Variants in PI4K2B observed in about 807,000 individuals in gnomAD.
The protein encoded by PI4K2B is phosphatidylinositol 4-kinase type 2-beta.
A neutral mutation model predicts 56.6 loss-of-function variants in PI4K2B; 46 were observed. The observed-to-expected ratio is 0.81, with a 90% CI of 0.64 to 1.04. PI4K2B has a LOEUF of 1.04. Ranked by LOEUF, PI4K2B falls within the 50% of genes least tolerant of loss-of-function variation. The pLI, the probability that PI4K2B is intolerant of heterozygous loss-of-function variation, is 0.00. For synonymous variants in PI4K2B, 211 were observed against 223.8 expected, an observed-to-expected ratio of 0.94 and a Z score of 0.51; for missense variants, 556 against 607.7, an observed-to-expected ratio of 0.91 and a Z score of 0.89.
At chr4:25,276,353 A>T in intron 9 of PI4K2B, 1 of 333,940 alleles carries the variant, frequency 3.0e-6, no homozygotes, top group Non-Finnish European at 4.3e-6. Context: ...CTTAAGAGTA[A>T]ACTCTTAAAT....
intron 1 of PI4K2B, among the ~76,000 whole-genome samples, chr4:25,244,378 G>A (rs1477222091): frequency 6.6e-6 from 1 of 152,202 alleles, no homozygotes; most frequent in Non-Finnish European, 1.5e-5. Context: ...TGGGATGTAA[G>A]TTGTAAGCTT....
At chr4:25,256,415 T>G in intron 3 of PI4K2B, 128 bp from the exon 4 acceptor site, 2 of 828,606 alleles carry the variant, frequency 2.4e-6, no homozygotes, top group Non-Finnish European at 3.7e-6. Context: ...CTGTTTTAGA[T>G]TCTCTGGGGC....
chr4:25,246,257 G>T (rs746046897), intron 1 of PI4K2B, among the ~76,000 whole-genome samples: 1 of 152,090 alleles, frequency 6.6e-6, no homozygotes, highest in African/African-American at 2.4e-5. Context: ...GCCTGCTTTT[G>T]TTCCCTTATC....
chr4:25,259,141 G>A lies in PI4K2B; in HGVS notation c.861G>A (p.Gln287=), dbSNP rs143048917. 6.3e-7 allele frequency: 1 copy of A among 1,582,810 alleles called. No homozygotes were observed. Among genetic ancestry groups the A allele is most frequent in the South Asian group, 1.1e-5 (1 of 89,712 alleles). Residue 287 remains glutamine, a synonymous_variant, in exon 5 of 10, where the codon CAG becomes CAA. Coordinates refer to ENST00000264864, the MANE Select transcript of PI4K2B (RefSeq NM_018323.4). ...CTGAGAATATTAGAAAACAATTTCAGTCACAATTTGAAAGATTAGTTATTT... is the reference window on the plus strand; with the variant it reads ...CTGAGAATATTAGAAAACAATTTCAATCACAATTTGAAAGATTAGTTATTT... ...PLPENIRKQF[Q]SQFERLVILD...
At chr4:25,236,991 C>G (rs1715289758) in intron 1 of PI4K2B, among the ~76,000 whole-genome samples, 1 of 152,218 alleles carries the variant, frequency 6.6e-6, no homozygotes, top group African/African-American at 2.4e-5. Context: ...AACTACCTCA[C>G]TAGTTCCAAG....
chr4:25,244,732 C>T (rs573521007), intron 1 of PI4K2B, among the ~76,000 whole-genome samples: 5 of 152,258 alleles, frequency 3.3e-5, no homozygotes, highest in Middle Eastern at 3.4e-3. Context: ...CCCAAGAACC[C>T]GCAACGGTCC....
At chr4:25,276,628 T>C (rs1010278367) in intron 9 of PI4K2B, 1 of 981,866 alleles carries the variant, frequency 1.0e-6, no homozygotes. Context: ...AAGGCAAGTA[T>C]TTAGTTAAAA....
intron 9 of PI4K2B, chr4:25,276,594 A>T (rs1485381636): frequency 1.1e-6 from 1 of 934,432 alleles, no homozygotes; most frequent in Non-Finnish European, 1.3e-6. Flanking sequence ...GTAGGCATAC[A>T]ATAAATTTGT....
intron 1 of PI4K2B, among the ~76,000 whole-genome samples, chr4:25,248,399 G>C (rs937770836): frequency 1.3e-5 from 2 of 152,132 alleles, no homozygotes; most frequent in African/African-American, 4.8e-5. Flanking sequence ...TCGTTTTGGA[G>C]TTTCTCTTGT....
At chr4:25,250,657 T>C (rs900561281) in intron 1 of PI4K2B, 3 of 152,228 alleles carry the variant, frequency 2.0e-5, no homozygotes, top group Admixed American at 1.3e-4. Flanking sequence ...AGTTTACCTA[T>C]GTAACCTGCA....
chr4:25,269,216 T>C lies in PI4K2B; in HGVS notation c.1272+13T>C. The C allele has an allele frequency of 1.4e-6, 2 of 1,445,174 alleles. No homozygotes were observed. The highest frequency in any genetic ancestry group is 1.9e-6 in the Non-Finnish European group (2 of 1,030,032). The allele number at this position is 1,445,174 out of a possible 1,614,324, so 89.5% of individuals were successfully genotyped here. A position where few individuals can be genotyped will look rare whatever the true frequency, so the allele number is the denominator to read the frequency against. On this transcript the variant is annotated intron_variant, in intron 9 of 9. Transcript: ENST00000264864. ...GATGAGGGGTCAGGTAAGTTACCTT[T>C]TTATTTGTTCATAAGGAAAAAAATC... is the stretch of plus-strand genomic sequence containing the variant.
chr4:25,258,630 A>G (rs1716346146), intron 4 of PI4K2B: 1 of 197,016 alleles, frequency 5.1e-6, no homozygotes, highest in Non-Finnish European at 9.2e-6. Flanking sequence ...GAATCTGGAA[A>G]AGTTCAGATA....
chr4:25,264,941 A>G (rs890696239), intron 7 of PI4K2B, among the ~76,000 whole-genome samples: 1 of 152,030 alleles, frequency 6.6e-6, no homozygotes, highest in South Asian at 2.1e-4. Context: ...CACGCCTGTA[A>G]TCCCAGCACT....
At chr4:25,248,013 C>A (rs1715869041) in intron 1 of PI4K2B, among the ~76,000 whole-genome samples, 1 of 152,148 alleles carries the variant, frequency 6.6e-6, no homozygotes, top group African/African-American at 2.4e-5. Context: ...CAGTGAACAT[C>A]TATTTTTTTC....
intron 1 of PI4K2B, among the ~76,000 whole-genome samples, chr4:25,251,175 A>G (rs1716033080): frequency 1.3e-5 from 2 of 152,176 alleles, no homozygotes. Context: ...GAGGACTGTG[A>G]ATGGAACCTG....
rs556263375 is a variant in PI4K2B at position 25,262,034 on chromosome 4, G to T, written c.978+1443G>T. On this transcript the variant is annotated intron_variant, in intron 6 of 9. Transcript: ENST00000264864. ...TCCTGGGCTGGGCACAGTGGCTCAT[G>T]CCTGTAATCACAGCACTTTGGGACG... 3.9e-3 allele frequency among the ~76,000 whole-genome samples: 590 copies of T among 152,268 alleles called. 6 individuals carry two copies. The highest frequency in any genetic ancestry group is 0.02 in the Middle Eastern group (6 of 294).
At chr4:25,256,291 A>G (rs955208956) in intron 3 of PI4K2B, among the ~76,000 whole-genome samples, 1 of 152,220 alleles carries the variant, frequency 6.6e-6, no homozygotes, top group Non-Finnish European at 1.5e-5. Context: ...CTACAGTTCA[A>G]TACTGTTACT....
At chr4:25,258,300 C>T (rs920568444) in intron 4 of PI4K2B, among the ~76,000 whole-genome samples, 4 of 146,398 alleles carry the variant, frequency 2.7e-5, no homozygotes, top group African/African-American at 5.0e-5. Flanking sequence ...CTCTGCCTCC[C>T]GAGTTCAAGC....
At chr4:25,269,689 T>C (rs531005789) in intron 9 of PI4K2B, among the ~76,000 whole-genome samples, 317 of 151,992 alleles carry the variant, frequency 2.1e-3, no homozygotes, top group African/African-American at 7.3e-3. Flanking sequence ...TTCCCTCTAT[T>C]ATCTTATAAA....
Sources: gnomAD v4.1 joint callset for allele counts (sites outside exome capture counted in the v4.1 genomes callset) on GRCh38, gnomAD v4.1.1 for gene constraint, MANE v1.5 for transcripts, NCBI Gene and HGNC (gene_info 2026-07-23, HGNC 2026-07-21) for gene names.